The following GABRB2 variants were observed in gnomAD, a reference collection of about 807,000 sequenced individuals.
The protein encoded by GABRB2 is gamma-aminobutyric acid receptor subunit beta-2.
GABRB2 carries 16 observed loss-of-function variants against 54.7 expected under a neutral mutation model. That is an observed-to-expected ratio of 0.29 (90% confidence interval 0.20 to 0.44). The LOEUF (loss-of-function observed/expected upper bound fraction) is 0.44. Among genes scored for constraint, GABRB2 ranks in the 20% least tolerant of loss-of-function variants. The pLI is 1.00. For missense variants in GABRB2, 355 were observed against 644.0 expected (o/e 0.55, Z 4.86); for synonymous variants, 244 against 233.8 (o/e 1.04, Z -0.40).
At chr5:161,474,345 A>C (rs1238117420) in intron 3 of GABRB2, among the ~76,000 whole-genome samples, 1 of 151,784 alleles carries the variant, frequency 6.6e-6, no homozygotes, top group Non-Finnish European at 1.5e-5. Context: ...TCAGAAATTG[A>C]CTCATTACAA....
At chr5:161,354,688 G>A (rs1279520398) in intron 5 of GABRB2, among the ~76,000 whole-genome samples, 1 of 151,858 alleles carries the variant, frequency 6.6e-6, no homozygotes, top group African/African-American at 2.4e-5. Flanking sequence ...ACTAACTATG[G>A]CACCTTGCTC....
At chr5:161,504,766 AG>A (rs1759552647) in intron 3 of GABRB2, among the ~76,000 whole-genome samples, 1 of 151,882 alleles carries the variant, frequency 6.6e-6, no homozygotes, top group South Asian at 2.1e-4. Context: ...TAAAAAAAAA[AG>A]GTATATCACC....
chr5:161,496,688 G>A (rs1009335763), intron 3 of GABRB2, among the ~76,000 whole-genome samples: 10 of 151,834 alleles, frequency 6.6e-5, no homozygotes, highest in African/African-American at 1.9e-4. Context: ...AATTTAAAAC[G>A]TATCTTAGGT....
intron 9 of GABRB2, among the ~76,000 whole-genome samples, chr5:161,304,657 T>C (rs1933816505): frequency 6.6e-6 from 1 of 150,692 alleles, no homozygotes; most frequent in South Asian, 2.1e-4. Context: ...TCATTAAGAA[T>C]GGTAAATAAA....
intron 9 of GABRB2, among the ~76,000 whole-genome samples, chr5:161,324,196 G>T (rs1758298625): frequency 6.6e-6 from 1 of 152,094 alleles, no homozygotes; most frequent in African/African-American, 2.4e-5. Flanking sequence ...AGTAGAATAT[G>T]ATTTTTATAT....
At chr5:161,298,352 C>T (rs1297077817) in intron 9 of GABRB2, among the ~76,000 whole-genome samples, 2 of 152,032 alleles carry the variant, frequency 1.3e-5, no homozygotes, top group South Asian at 2.1e-4. Flanking sequence ...AATCTTTGCC[C>T]GTGCCTATAT....
In GABRB2 at chr5:161,545,068, T is replaced by G. The variant is rs1760935438; in HGVS notation, c.237+159A>C. Among the ~76,000 whole-genome samples, 4 of 152,020 alleles carry G rather than the reference T, an allele frequency of 2.6e-5. No homozygotes were observed. In the South Asian group the frequency reaches 8.3e-4, roughly 32 times the overall value. ...TAGGGACCAGAAAGAGTCAACTCTCTAACCTCAACACAGGGTATTCTAGGG... is the reference window on the plus strand; with the variant it reads ...TAGGGACCAGAAAGAGTCAACTCTCGAACCTCAACACAGGGTATTCTAGGG... On this transcript the variant is annotated intron_variant, in intron 3 of 9. Transcript: ENST00000393959.
chr5:161,294,266 C>T lies in GABRB2; in HGVS notation c.1354G>A (p.Gly452Ser), dbSNP rs1166625571. Residue 452 changes from glycine to serine, a missense_variant, in exon 10 of 10, where the codon GGC (glycine) becomes AGC (serine). Transcript: ENST00000393959. The part of the protein sequence containing the change: ...RKAGLPRHSF[G>S]RNALERHVAQ... ...ACATGTCGTTCCAGAGCATTTCGGCCAAAACTATGCCTGGGCAACCCAGCT... is the reference window on the plus strand; with the variant it reads ...ACATGTCGTTCCAGAGCATTTCGGCTAAAACTATGCCTGGGCAACCCAGCT... 6.2e-7 allele frequency: 1 copy of T among 1,614,102 alleles called. No individual in the cohort carries two copies. The highest frequency in any genetic ancestry group is 8.5e-7 in the Non-Finnish European group (1 of 1,179,998).
Position 161,432,954 on chromosome 5 carries a change from G to C in GABRB2, c.459-21897C>G, listed in dbSNP as rs567596162. Among the ~76,000 whole-genome samples the C allele has an allele frequency of 1.0e-3, 152 of 151,466 alleles. 1 individual carries two copies. Among genetic ancestry groups the C allele is most frequent in the African/African-American group, 3.5e-3 (146 of 41,296 alleles). On this transcript the variant is annotated intron_variant, in intron 4 of 9. Transcript: ENST00000393959. ...ACCTCGTACTTTATGGGGATGAGGAGATCATGTGTTTACACAGCAGAATCA... is the reference window on the plus strand; with the variant it reads ...ACCTCGTACTTTATGGGGATGAGGACATCATGTGTTTACACAGCAGAATCA...
chr5:161,291,291 T>C lies in GABRB2; in HGVS notation c.*2790A>G, dbSNP rs1342143699. 1 of 152,272 alleles carries C rather than the reference T, an allele frequency of 6.6e-6. No individual in the cohort carries two copies. The highest frequency in any genetic ancestry group is 2.4e-5 in the African/African-American group (1 of 41,456). 9.4% of individuals were successfully genotyped at this position (152,272 alleles called of 1,614,324 possible). A position where few individuals can be genotyped will look rare whatever the true frequency, so the allele number is the denominator to read the frequency against. On this transcript the variant is annotated 3_prime_UTR_variant, in exon 10 of 10. Coordinates refer to ENST00000393959, the MANE Select transcript of GABRB2 (RefSeq NM_001371727.1). ...AGAAAATCTATACATATGTATAAAC[T>C]GATAGTAATCCCATATCAGAACTAC...
At chr5:161,388,160 C>T (rs1019106328) in intron 5 of GABRB2, among the ~76,000 whole-genome samples, 1 of 152,082 alleles carries the variant, frequency 6.6e-6, no homozygotes, top group African/African-American at 2.4e-5. Flanking sequence ...TGTTTCAATA[C>T]ATATTCCTCT....
At chr5:161,476,329 A>G (rs1282582755) in intron 3 of GABRB2, among the ~76,000 whole-genome samples, 1 of 151,942 alleles carries the variant, frequency 6.6e-6, no homozygotes, top group Non-Finnish European at 1.5e-5. Context: ...CAAGGTTTGG[A>G]AGGCTTAGTA....
intron 3 of GABRB2, among the ~76,000 whole-genome samples, chr5:161,498,693 C>T (rs981226923): frequency 6.6e-6 from 1 of 152,006 alleles, no homozygotes; most frequent in Non-Finnish European, 1.5e-5. Context: ...GCCTTTGGAA[C>T]ACAAGGCTCT....
chr5:161,471,608 G>T (rs1230809320), intron 3 of GABRB2, among the ~76,000 whole-genome samples: 1 of 151,932 alleles, frequency 6.6e-6, no homozygotes, highest in Non-Finnish European at 1.5e-5. Flanking sequence ...CCACTATGTT[G>T]CTTAGTTCAT....
At chr5:161,464,347 C>A (rs997277347) in intron 3 of GABRB2, among the ~76,000 whole-genome samples, 1 of 151,950 alleles carries the variant, frequency 6.6e-6, no homozygotes, top group South Asian at 2.1e-4. Flanking sequence ...ATGCTCAACA[C>A]CACTAGTCAT....
chr5:161,528,318 T>A lies in GABRB2; in HGVS notation c.237+16909A>T, dbSNP rs184086548. Among the ~76,000 whole-genome samples, 642 of 151,890 alleles carry A rather than the reference T, an allele frequency of 4.2e-3. 9 individuals are homozygous for A. Among genetic ancestry groups the A allele is most frequent in the South Asian group, 0.036 (172 of 4,830 alleles). Reference sequence around the variant, plus strand: ...ACACTGAGATCTTCATTTTCATTATTGTTTATTATGTTTACCGATTTCTAC... The same window carrying A: ...ACACTGAGATCTTCATTTTCATTATAGTTTATTATGTTTACCGATTTCTAC... On this transcript the variant is annotated intron_variant, in intron 3 of 9. Coordinates refer to ENST00000393959, the MANE Select transcript of GABRB2 (RefSeq NM_001371727.1).
At chr5:161,342,231 C>T (rs953390179) in intron 5 of GABRB2, among the ~76,000 whole-genome samples, 14 of 151,724 alleles carry the variant, frequency 9.2e-5, no homozygotes, top group African/African-American at 2.7e-4. Context: ...CATCTCAAAA[C>T]GTGCATAAAT....
Position 161,489,125 on chromosome 5 carries a change from T to C in GABRB2, c.238-29281A>G, listed in dbSNP as rs546271619. 9.6e-4 allele frequency among the ~76,000 whole-genome samples: 146 copies of C among 151,898 alleles called. 1 individual carries two copies. Among genetic ancestry groups the C allele is most frequent in the African/African-American group, 3.3e-3 (139 of 41,530 alleles). ...ACAAATAGACTATTAGTGCTGAGAA[T>C]GGATGGCTTGTGAGTAACAAAGCCA... On this transcript the variant is annotated intron_variant, in intron 3 of 9. Coordinates refer to ENST00000393959, the MANE Select transcript of GABRB2 (RefSeq NM_001371727.1).
chr5:161,397,375 C>T (rs1340839314), intron 5 of GABRB2, among the ~76,000 whole-genome samples: 2 of 152,082 alleles, frequency 1.3e-5, no homozygotes, highest in African/African-American at 2.4e-5. Context: ...TTTGGCAGTA[C>T]ATTTAATTAA....
Sources: gnomAD v4.1 joint callset for allele counts (sites outside exome capture counted in the v4.1 genomes callset) on GRCh38, gnomAD v4.1.1 for gene constraint, MANE v1.5 for transcripts, NCBI Gene and HGNC (gene_info 2026-07-23, HGNC 2026-07-21) for gene names.